SLC12A6: variants seen among roughly 807,000 people sequenced by gnomAD.
The protein encoded by SLC12A6 is solute carrier family 12 member 6.
Under a neutral mutation model 135.3 loss-of-function variants are expected in SLC12A6, and 66 were observed. That is an observed-to-expected ratio of 0.49 (90% CI 0.40 to 0.60). The LOEUF (loss-of-function observed/expected upper bound fraction) is 0.60, where lower values mean the gene tolerates loss of function less well. Among genes scored for constraint, SLC12A6 ranks in the 20% least tolerant of loss-of-function variants. SLC12A6 has a pLI of 0.00. For synonymous variants in SLC12A6, 513 were observed against 508.8 expected (o/e 1.01, Z -0.11); for missense variants, 1,058 against 1,452.3 (o/e 0.73, Z 4.41).
intron 24 of SLC12A6, 43 bp from the exon 25 acceptor site, chr15:34,235,357 C>G: frequency 6.4e-7 from 1 of 1,573,894 alleles, no homozygotes; most frequent in Non-Finnish European, 8.7e-7. Context: ...AAAAAGACAA[C>G]TAGCCATAAA....
chr15:34,324,525 T>C (rs572470022), intron 2 of SLC12A6, among the ~76,000 whole-genome samples: 88 of 152,296 alleles, frequency 5.8e-4, no homozygotes, highest in African/African-American at 2.0e-3. Context: ...TATTTTGGGG[T>C]AGTATTTTGA....
At chr15:34,289,792 G>A (rs548742072) in intron 2 of SLC12A6, among the ~76,000 whole-genome samples, 4 of 152,174 alleles carry the variant, frequency 2.6e-5, no homozygotes, top group African/African-American at 4.8e-5. Flanking sequence ...ATTCTCTGAT[G>A]GTAGTCTGTA....
chr15:34,293,778 T>G (rs886503871), intron 2 of SLC12A6, among the ~76,000 whole-genome samples: 7 of 151,764 alleles, frequency 4.6e-5, no homozygotes, highest in Non-Finnish European at 8.8e-5. Context: ...TAAAAAAATG[T>G]TTTTTTGTAG....
intron 2 of SLC12A6, among the ~76,000 whole-genome samples, chr15:34,276,567 C>A (rs897021375): frequency 1.3e-5 from 2 of 152,124 alleles, no homozygotes; most frequent in East Asian, 1.9e-4. Flanking sequence ...TCTCTTGAGA[C>A]GCTGATGATT....
chr15:34,332,260 C>G (rs1267793232), intron 2 of SLC12A6, among the ~76,000 whole-genome samples: 1 of 152,290 alleles, frequency 6.6e-6, no homozygotes, highest in Middle Eastern at 3.4e-3. Flanking sequence ...CTTTAACACC[C>G]AACATCTTTA....
At position 34,235,373 on chromosome 15, in the gene SLC12A6, C is replaced by T. The variant is rs564731517; in HGVS notation, c.3228-59G>A. The T allele has an allele frequency of 1.0e-4, 149 of 1,437,372 alleles. No homozygotes were observed. In the African/African-American group the frequency reaches 1.6e-3, roughly 16 times the overall value. The allele number at this position is 1,437,372 out of a possible 1,614,324, so 89.0% of individuals were successfully genotyped here. On this transcript the variant is annotated intron_variant, in intron 24 of 25. Coordinates refer to ENST00000354181, the MANE Select transcript of SLC12A6 (RefSeq NM_001365088.1). ...AAAAGACAACTAGCCATAAAGTCAA[C>T]GTTAAAAACTTGAGATCCTGAGCTT...
chr15:34,331,286 T>C (rs1889827706), intron 2 of SLC12A6, among the ~76,000 whole-genome samples: 1 of 152,160 alleles, frequency 6.6e-6, no homozygotes, highest in Admixed American at 6.5e-5. Context: ...ATTATAAGCA[T>C]GCACCGCAAC....
At chr15:34,312,720 T>G (rs1358280791) in intron 2 of SLC12A6, among the ~76,000 whole-genome samples, 1 of 152,194 alleles carries the variant, frequency 6.6e-6, no homozygotes, top group Non-Finnish European at 1.5e-5. Context: ...ACTTTGGGGT[T>G]TTTTGTTTGT....
At chr15:34,317,765 A>G (rs757762077) in intron 2 of SLC12A6, among the ~76,000 whole-genome samples, 7 of 152,202 alleles carry the variant, frequency 4.6e-5, no homozygotes, top group Non-Finnish European at 8.8e-5. Context: ...TTCTTAATTC[A>G]TATAACTAAA....
intron 13 of SLC12A6, among the ~76,000 whole-genome samples, 163 bp downstream of exon 13, chr15:34,250,135 G>A (rs1187616232): frequency 2.6e-5 from 4 of 152,164 alleles, no homozygotes; most frequent in Non-Finnish European, 5.9e-5. Flanking sequence ...GAACTCCTGA[G>A]CTCATGCAAT....
At position 34,277,515 on chromosome 15, in the gene SLC12A6, A is replaced by C. The variant is rs371314887; in HGVS notation, c.272-2126T>G. ...TTCTTGCACATAAGACAAAATAGGAATAACAGTTCTGTAGTCACTCTCTCT... is the reference window on the plus strand; with the variant it reads ...TTCTTGCACATAAGACAAAATAGGACTAACAGTTCTGTAGTCACTCTCTCT... On this transcript the variant is annotated intron_variant, in intron 2 of 25. Transcript: ENST00000354181. Among the ~76,000 whole-genome samples, 26 of 152,268 alleles carry C rather than the reference A, an allele frequency of 1.7e-4. No homozygotes were observed. The East Asian group carries it at 4.8e-3, about 28-fold the overall frequency.
intron 19 of SLC12A6, 70 bp downstream of exon 19, chr15:34,240,591 T>C: frequency 7.8e-7 from 1 of 1,286,492 alleles, no homozygotes; most frequent in South Asian, 1.2e-5. Flanking sequence ...AAGTAGAAGT[T>C]TGAGGTCTTA....
At chr15:34,240,867 A>T in intron 18 of SLC12A6, 38 bp from the exon 19 acceptor site, 2 of 1,561,406 alleles carry the variant, frequency 1.3e-6, no homozygotes, top group Non-Finnish European at 1.7e-6. Context: ...GGGAGGAGAA[A>T]ACATTTTGGG....
intron 13 of SLC12A6, among the ~76,000 whole-genome samples, chr15:34,247,503 C>T (rs951955844): frequency 1.6e-4 from 24 of 151,110 alleles, no homozygotes; most frequent in African/African-American, 5.1e-4. Flanking sequence ...GGCGACAGAG[C>T]GAGACTCCAT....
In SLC12A6 at chr15:34,239,032, C is replaced by T. The variant is rs201062811; in HGVS notation, c.2565G>A (p.Thr855=). The part of the protein sequence containing the change: ...SCGLGGMKHN[T]VVMGWPNGWR... ...AGCCATTAGGCCAGCCCATCACCACCGTGTTGTGCTTCATGCCCCCAAGGC... is the reference window on the plus strand; with the variant it reads ...AGCCATTAGGCCAGCCCATCACCACTGTGTTGTGCTTCATGCCCCCAAGGC... The change falls in exon 20 of 26, where the codon ACG becomes ACA. Residue 855 remains threonine, a synonymous_variant. Transcript: ENST00000354181. 3.0e-4 allele frequency: 484 copies of T among 1,614,198 alleles called. 7 individuals are homozygous for T. In the East Asian group the frequency reaches 8.5e-3, roughly 28 times the overall value.
At position 34,230,055 on chromosome 15, in the gene SLC12A6, A is replaced by AAACAT. The variant is rs1412427515; in HGVS notation, c.*3821_*3825dup. 1 of 446,032 alleles carries AAACAT rather than the reference A, an allele frequency of 2.2e-6. No homozygotes were observed. The highest frequency in any genetic ancestry group is 4.0e-6 in the Non-Finnish European group (1 of 253,090). The allele number at this position is 446,032 out of a possible 1,614,324, so 27.6% of individuals were successfully genotyped here. A position where few individuals can be genotyped will look rare whatever the true frequency, so the allele number is the denominator to read the frequency against. ...AGTACAGAGCAAAACAACAACAAAA[A>AAACAT]AACATAACTATGTAAACAAGAGAAT... On this transcript the variant is annotated 3_prime_UTR_variant, in exon 26 of 26. Transcript: ENST00000354181.
Position 34,240,275 on chromosome 15 carries a change from C to T in SLC12A6, c.2436+386G>A, listed in dbSNP as rs144098779. 5.4e-3 allele frequency among the ~76,000 whole-genome samples: 821 copies of T among 152,180 alleles called. 25 individuals are homozygous for T. Among genetic ancestry groups the T allele is most frequent in the Non-Finnish European group, 1.0e-3 (70 of 68,006 alleles). On this transcript the variant is annotated intron_variant, in intron 19 of 25. Coordinates refer to ENST00000354181, the MANE Select transcript of SLC12A6 (RefSeq NM_001365088.1). ...TGGCAAAGGAATCTTGCTCATGATA[C>T]CACGTAGATTAGTAAAGAGGAAGAA... is the stretch of plus-strand genomic sequence containing the variant.
At chr15:34,285,039 T>C (rs1476572246) in intron 2 of SLC12A6, among the ~76,000 whole-genome samples, 5 of 152,172 alleles carry the variant, frequency 3.3e-5, no homozygotes, top group Non-Finnish European at 7.3e-5. Context: ...TGGATATAGA[T>C]GTTGGAGGAG....
At chr15:34,260,599 A>C (rs1893054365) in intron 4 of SLC12A6, among the ~76,000 whole-genome samples, 1 of 152,232 alleles carries the variant, frequency 6.6e-6, no homozygotes, top group African/African-American at 2.4e-5. Flanking sequence ...CTTTCCAGAC[A>C]AAGGGTGGAG....
Sources: allele counts gnomAD v4.1 joint callset (sites outside exome capture counted in the v4.1 genomes callset), GRCh38; gene constraint gnomAD v4.1.1; transcripts MANE v1.5; gene names NCBI Gene and HGNC (gene_info 2026-07-23, HGNC 2026-07-21).